PTPRG: variants seen among roughly 807,000 people sequenced by gnomAD.
PTPRG encodes receptor-type tyrosine-protein phosphatase gamma.
Under a neutral mutation model 165.3 loss-of-function variants are expected in PTPRG, and 102 were observed. The observed-to-expected ratio is 0.62, with a 90% CI of 0.53 to 0.73. The LOEUF is 0.73. Among genes scored for constraint, PTPRG ranks in the 30% least tolerant of loss-of-function variants. The pLI is 0.00. For synonymous variants in PTPRG, 675 were observed against 669.5 expected (o/e 1.01, Z -0.13); for missense variants, 1,866 against 1,861.4 (o/e 1.00, Z -0.05).
At chr3:61,772,220 T>C (rs1421084736) in intron 2 of PTPRG, among the ~76,000 whole-genome samples, 2 of 151,244 alleles carry the variant, frequency 1.3e-5, no homozygotes, top group Non-Finnish European at 1.5e-5. Context: ...AGCAGGGAGG[T>C]GTAAAATATG....
At chr3:61,711,166 T>G (rs2031533057) in intron 1 of PTPRG, among the ~76,000 whole-genome samples, 1 of 152,242 alleles carries the variant, frequency 6.6e-6, no homozygotes, top group Non-Finnish European at 1.5e-5. Flanking sequence ...TTATCCAGTC[T>G]GTCATTGATA....
chr3:62,100,802 A>G (rs1256836790), intron 5 of PTPRG, among the ~76,000 whole-genome samples: 1 of 152,160 alleles, frequency 6.6e-6, no homozygotes, highest in East Asian at 1.9e-4. Flanking sequence ...CTGTGGACAG[A>G]TGGGTTGTTT....
At chr3:61,780,421 G>A (rs1029811952) in intron 2 of PTPRG, among the ~76,000 whole-genome samples, 2 of 152,186 alleles carry the variant, frequency 1.3e-5, no homozygotes, top group Non-Finnish European at 2.9e-5. Context: ...AACTGGATTT[G>A]TCTCTGATTT....
Position 62,073,644 on chromosome 3 carries a change from G to A in PTPRG, c.520-4519G>A, listed in dbSNP as rs535471229. 6.9e-4 allele frequency among the ~76,000 whole-genome samples: 105 copies of A among 152,176 alleles called. 3 individuals are homozygous for A. In the South Asian group the frequency reaches 0.021, roughly 30 times the overall value. On this transcript the variant is annotated intron_variant, in intron 4 of 29. Transcript: ENST00000474889. ...TGGCAGGCACCTGCCACCGCACCTG[G>A]CTAATTTTTGTATTTTTGTAGAGAC...
chr3:61,940,228 G>A (rs1187472417), intron 2 of PTPRG, among the ~76,000 whole-genome samples: 1 of 152,132 alleles, frequency 6.6e-6, no homozygotes, highest in Non-Finnish European at 1.5e-5. Context: ...GGGATTACAG[G>A]CGTGAGCCAC....
intron 1 of PTPRG, among the ~76,000 whole-genome samples, chr3:61,618,891 CAG>C (rs1701373778): frequency 6.7e-6 from 1 of 150,356 alleles, no homozygotes; most frequent in Admixed American, 6.7e-5. Flanking sequence ...CCTGTAATCC[CAG>C]CACTTTGGGA....
At chr3:62,131,535 T>C (rs1703514376) in intron 5 of PTPRG, among the ~76,000 whole-genome samples, 1 of 152,194 alleles carries the variant, frequency 6.6e-6, no homozygotes. Flanking sequence ...CAAATTGGAT[T>C]GTGCTACACA....
In PTPRG at chr3:61,600,957, A is replaced by T. The variant is rs188622404; in HGVS notation, c.85+38585A>T. On this transcript the variant is annotated intron_variant, in intron 1 of 29. Transcript: ENST00000474889. The stretch of plus-strand genomic sequence containing the variant: ...ATCTCAATGTATAAAACAGATTTTT[A>T]AAAAGAGCTTTTTTGGGCCAGATGT... Among the ~76,000 whole-genome samples, 62 of 152,364 alleles carry T rather than the reference A, an allele frequency of 4.1e-4. No individual in the cohort carries two copies. The East Asian group carries it at 8.9e-3, about 22-fold the overall frequency.
At chr3:62,062,293 C>G (rs1700842677) in intron 4 of PTPRG, among the ~76,000 whole-genome samples, 2 of 152,190 alleles carry the variant, frequency 1.3e-5, no homozygotes, top group African/African-American at 4.8e-5. Context: ...AAGCGAAACT[C>G]CATCTCAAAA....
intron 2 of PTPRG, chr3:61,749,185 C>A: frequency 1.5e-6 from 1 of 671,738 alleles, no homozygotes; most frequent in South Asian, 1.5e-5. Context: ...GTTTCCTCAA[C>A]CTGTTTTCCC....
intron 1 of PTPRG, among the ~76,000 whole-genome samples, chr3:61,626,523 A>G (rs1295397190): frequency 1.3e-5 from 2 of 152,204 alleles, no homozygotes; most frequent in Non-Finnish European, 2.9e-5. Context: ...AAACCCACGT[A>G]CACCAAGGAA....
chr3:61,778,237 C>T (rs1263101215), intron 2 of PTPRG, among the ~76,000 whole-genome samples: 1 of 152,042 alleles, frequency 6.6e-6, no homozygotes, highest in Non-Finnish European at 1.5e-5. Context: ...AGGGTGGGAG[C>T]GGCAGGGGCT....
At chr3:61,671,808 G>C (rs1413213616) in intron 1 of PTPRG, among the ~76,000 whole-genome samples, 1 of 142,572 alleles carries the variant, frequency 7.0e-6, no homozygotes, top group Non-Finnish European at 1.5e-5. Context: ...GCGGCTGGCC[G>C]GGCAGAGGGG....
intron 2 of PTPRG, among the ~76,000 whole-genome samples, chr3:61,841,203 A>C (rs185481915): frequency 6.6e-6 from 1 of 152,228 alleles, no homozygotes; most frequent in Non-Finnish European, 1.5e-5. Context: ...AAAAATGTTA[A>C]AGAGATGTTT....
chr3:61,945,934 A>G (rs1281440724), intron 2 of PTPRG, among the ~76,000 whole-genome samples: 1 of 152,244 alleles, frequency 6.6e-6, no homozygotes, highest in Non-Finnish European at 1.5e-5. Context: ...CTATATGCTC[A>G]TTAAACATCA....
chr3:61,650,845 T>C (rs1702328733), intron 1 of PTPRG, among the ~76,000 whole-genome samples: 1 of 152,236 alleles, frequency 6.6e-6, no homozygotes, highest in Non-Finnish European at 1.5e-5. Flanking sequence ...TACCACTGTT[T>C]GGTTTTATAG....
intron 1 of PTPRG, among the ~76,000 whole-genome samples, chr3:61,635,355 T>A (rs908325640): frequency 2.4e-4 from 35 of 148,426 alleles, no homozygotes; most frequent in South Asian, 6.3e-4. Flanking sequence ...ATTATATATA[T>A]AAATAATAAT....
intron 14 of PTPRG, among the ~76,000 whole-genome samples, chr3:62,242,320 G>C (rs1028711732): frequency 6.6e-6 from 1 of 151,996 alleles, no homozygotes; most frequent in Admixed American, 6.6e-5. Flanking sequence ...CAATTCATAG[G>C]AAACAAAAAA....
intron 4 of PTPRG, among the ~76,000 whole-genome samples, chr3:62,033,182 C>T (rs528874408): frequency 6.6e-6 from 1 of 152,074 alleles, no homozygotes; most frequent in Non-Finnish European, 1.5e-5. Flanking sequence ...AAGGCCTTGC[C>T]TCTTCCCACC....
Sources: allele counts gnomAD v4.1 joint callset (sites outside exome capture counted in the v4.1 genomes callset), GRCh38; gene constraint gnomAD v4.1.1; transcripts MANE v1.5; gene names NCBI Gene and HGNC (gene_info 2026-07-23, HGNC 2026-07-21).